Variants in TENM2 observed in about 807,000 individuals in gnomAD.
TENM2 encodes the protein teneurin-2.
A neutral mutation model predicts 245.2 loss-of-function variants in TENM2; 52 were observed. The ratio of observed to expected loss-of-function variants is 0.21; its 90% CI spans 0.17 to 0.27. The LOEUF is 0.27. Among genes scored for constraint, TENM2 ranks in the 10% least tolerant of loss-of-function variants. TENM2 has a pLI of 1.00. For missense variants in TENM2, 3,046 were observed against 3,666.8 expected, an observed-to-expected ratio of 0.83 and a Z score of 4.37; for synonymous variants, 1,363 against 1,438.9, an observed-to-expected ratio of 0.95 and a Z score of 1.19.
At chr5:168,097,797 G>T (rs1793491625) in intron 8 of TENM2, among the ~76,000 whole-genome samples, 1 of 151,982 alleles carries the variant, frequency 6.6e-6, no homozygotes. Flanking sequence ...AGCACTACTA[G>T]CCCTGCATTC....
the TENM2 span, among the ~76,000 whole-genome samples, chr5:167,059,992 C>T: frequency 1.3e-5 from 2 of 151,912 alleles, no homozygotes; most frequent in African/African-American, 4.8e-5. Flanking sequence ...CATGAGCCAC[C>T]GTGCCCAGCC....
chr5:167,811,662 A>G (rs1419741942), intron 2 of TENM2, among the ~76,000 whole-genome samples: 1 of 152,120 alleles, frequency 6.6e-6, no homozygotes, highest in East Asian at 1.9e-4. Flanking sequence ...TCATGGATAG[A>G]GTTCTGTGTT....
chr5:167,689,683 C>T (rs934067258), intron 2 of TENM2, among the ~76,000 whole-genome samples: 1 of 152,178 alleles, frequency 6.6e-6, no homozygotes, highest in African/African-American at 2.4e-5. Flanking sequence ...TAGTAGGTCC[C>T]GTTTATGCTA....
intron 1 of TENM2, among the ~76,000 whole-genome samples, chr5:167,333,248 T>G (rs1581766909): frequency 6.6e-6 from 1 of 152,298 alleles, no homozygotes; most frequent in South Asian, 2.1e-4. Context: ...GGGAACACTC[T>G]TATTGCTTCA....
At chr5:167,589,199 C>CAAA (rs5873047) in intron 2 of TENM2, among the ~76,000 whole-genome samples, 39 of 139,214 alleles carry the variant, frequency 2.8e-4, no homozygotes, top group African/African-American at 9.1e-4. Flanking sequence ...GAGGCTGTCT[C>CAAA]AAAAAAAAAA....
rs770519870 is a variant in TENM2 at position 168,261,082 on chromosome 5, G to C, written c.7563+669G>C. Reference sequence around the variant, plus strand: ...ATAGAGAGGCAAGGAGGAGCTGCTGGGTAATTGAGAACAGCGTTCACTCAG... The same window carrying C: ...ATAGAGAGGCAAGGAGGAGCTGCTGCGTAATTGAGAACAGCGTTCACTCAG... On this transcript the variant is annotated intron_variant, in intron 28 of 28. Transcript: ENST00000518659. Among the ~76,000 whole-genome samples, 12 of 152,100 alleles carry C rather than the reference G, an allele frequency of 7.9e-5. 1 individual carries two copies. Among genetic ancestry groups the C allele is most frequent in the East Asian group, 1.9e-4 (1 of 5,188 alleles).
In TENM2 at chr5:167,683,675, G is replaced by A. The variant is rs556449285; in HGVS notation, c.503-192311G>A. Among the ~76,000 whole-genome samples the A allele has an allele frequency of 1.7e-3, 265 of 152,220 alleles. 3 individuals are homozygous for A. Among genetic ancestry groups the A allele is most frequent in the African/African-American group, 6.3e-3 (262 of 41,540 alleles). On this transcript the variant is annotated intron_variant, in intron 2 of 28. Transcript: ENST00000518659. ...ACCTGAAATTTATGTTTCTCTGAAAGGGGCACCTGACATTATAATGAAACT... is the reference window on the plus strand; with the variant it reads ...ACCTGAAATTTATGTTTCTCTGAAAAGGGCACCTGACATTATAATGAAACT...
chr5:168,159,156 T>A (rs1475371846), intron 12 of TENM2, among the ~76,000 whole-genome samples: 1 of 151,334 alleles, frequency 6.6e-6, no homozygotes, highest in East Asian at 2.0e-4. Context: ...AAAATAAAAA[T>A]AAAAAATAAA....
intron 2 of TENM2, among the ~76,000 whole-genome samples, chr5:167,735,997 A>G (rs913339351): frequency 6.6e-6 from 1 of 152,220 alleles, no homozygotes; most frequent in Non-Finnish European, 1.5e-5. Flanking sequence ...AAAGTGTATT[A>G]GTCTGTTCTC....
intron 1 of TENM2, among the ~76,000 whole-genome samples, chr5:167,310,989 A>T (rs1403976790): frequency 6.6e-6 from 1 of 152,230 alleles, no homozygotes; most frequent in Non-Finnish European, 1.5e-5. Flanking sequence ...TGTTATTAAT[A>T]ATTACAATAA....
intron 15 of TENM2, among the ~76,000 whole-genome samples, chr5:168,196,241 AC>A (rs1178881363): frequency 2.6e-5 from 4 of 152,126 alleles, no homozygotes; most frequent in Admixed American, 6.5e-5. Flanking sequence ...TTCAACAATT[AC>A]CAGCCCCCAG....
chr5:167,977,935 T>C (rs1168705146), intron 4 of TENM2, among the ~76,000 whole-genome samples: 3 of 152,148 alleles, frequency 2.0e-5, no homozygotes, highest in East Asian at 3.9e-4. Flanking sequence ...GGATCTCTCA[T>C]GATCAACTTG....
intron 3 of TENM2, among the ~76,000 whole-genome samples, chr5:167,887,882 C>T (rs1489160914): frequency 6.6e-6 from 1 of 152,128 alleles, no homozygotes; most frequent in East Asian, 1.9e-4. Flanking sequence ...AAGAGTCCTT[C>T]CTTGCCTCTT....
chr5:167,112,191 T>C, the TENM2 span, among the ~76,000 whole-genome samples: 3 of 152,280 alleles, frequency 2.0e-5, no homozygotes, highest in African/African-American at 7.2e-5. Flanking sequence ...TGAGCCAATG[T>C]ACCCAAAAAA....
Position 167,583,287 on chromosome 5 carries a change from A to G in TENM2, c.502+207814A>G, listed in dbSNP as rs76810632. Among the ~76,000 whole-genome samples, 28 of 152,324 alleles carry G rather than the reference A, an allele frequency of 1.8e-4. No individual in the cohort carries two copies. The East Asian group carries it at 4.8e-3, about 26-fold the overall frequency. On this transcript the variant is annotated intron_variant, in intron 2 of 28. Transcript: ENST00000518659. ...TATCGCTCACACTTGGAACTAATCT[A>G]TCAATAAGCTATTCCCATATTTGTT...
rs375595532 is a variant in TENM2, at chr5:168,036,697, A to G, written c.1187-10730A>G. The stretch of plus-strand genomic sequence containing the variant: ...TATGTGTATATATATATATATATAT[A>G]TATGTATGTGTATATATATGTATGT... On this transcript the variant is annotated intron_variant, in intron 5 of 28. Transcript: ENST00000518659. 8.2e-5 allele frequency among the ~76,000 whole-genome samples: 8 copies of G among 98,086 alleles called. 1 individual carries two copies. The highest frequency in any genetic ancestry group is 3.7e-4 in the African/African-American group (6 of 16,352). 64.3% of individuals were successfully genotyped at this position (98,086 alleles called of 152,430 possible). A position where few individuals can be genotyped will look rare whatever the true frequency, so the allele number is the denominator to read the frequency against.
chr5:167,157,601 A>C, the TENM2 span, among the ~76,000 whole-genome samples: 1 of 152,190 alleles, frequency 6.6e-6, no homozygotes, highest in East Asian at 1.9e-4. Flanking sequence ...TTAGGGAGGA[A>C]GATATTTTTA....
At chr5:167,224,139 G>T in the TENM2 span, among the ~76,000 whole-genome samples, 187 of 152,162 alleles carry the variant, frequency 1.2e-3, 1 homozygote, top group African/African-American at 4.4e-3. Context: ...TTTTCAAAAG[G>T]TTACCTCTTC....
intron 2 of TENM2, among the ~76,000 whole-genome samples, chr5:167,397,535 C>A (rs1762124068): frequency 2.0e-5 from 3 of 151,882 alleles, no homozygotes; most frequent in Admixed American, 1.3e-4. Context: ...TAAAACTGAC[C>A]CTTCTCATTT....
Sources: allele counts gnomAD v4.1 joint callset (sites outside exome capture counted in the v4.1 genomes callset), GRCh38; gene constraint gnomAD v4.1.1; transcripts MANE v1.5; gene names NCBI Gene and HGNC (gene_info 2026-07-23, HGNC 2026-07-21).